Variants in TJP3 observed in about 807,000 individuals in gnomAD.
The protein encoded by TJP3 is tight junction protein ZO-3.
TJP3 carries 85 observed loss-of-function variants against 104.2 expected under a neutral mutation model. The observed-to-expected ratio is 0.82, with a 90% CI of 0.68 to 0.98. TJP3 has a LOEUF of 0.98. Ranked by LOEUF, TJP3 falls within the 50% of genes least tolerant of loss-of-function variation. The pLI, the probability that TJP3 is intolerant of heterozygous loss-of-function variation, is 0.00. For synonymous variants in TJP3, 550 were observed against 550.6 expected, an observed-to-expected ratio of 1.00 and a Z score of 0.02; for missense variants, 1,367 against 1,322.8, an observed-to-expected ratio of 1.03 and a Z score of -0.52.
intron 1 of TJP3, among the ~76,000 whole-genome samples, chr19:3,726,147 G>T (rs1401496002): frequency 6.6e-6 from 1 of 152,214 alleles, no homozygotes; most frequent in East Asian, 1.9e-4. Flanking sequence ...GGAGGAGGAG[G>T]AGTCACTTCT....
Position 3,736,178 on chromosome 19 carries a change from A to T in TJP3, c.1141A>T (p.Thr381Ser), listed in dbSNP as rs1223325745. The T allele has an allele frequency of 6.3e-7, 1 of 1,594,792 alleles. No individual in the cohort carries two copies. Among genetic ancestry groups the T allele is most frequent in the Non-Finnish European group, 8.5e-7 (1 of 1,170,608 alleles). The part of the protein sequence containing the change: ...SMEDRGYSPD[T>S]RVVRFLKGKS... The stretch of plus-strand genomic sequence containing the variant: ...CTCCCCTTGCAGGTACAGCCCCGAC[A>T]CGCGTGTGGTCCGCTTCCTCAAGGG... The change falls in exon 11 of 21, where the codon ACG becomes TCG. Residue 381 changes from threonine (T) to serine (S), a missense_variant. Coordinates refer to ENST00000541714, the MANE Select transcript of TJP3 (RefSeq NM_001267560.2).
chr19:3,721,619 C>T (rs2036542593), intron 1 of TJP3: 1 of 291,910 alleles, frequency 3.4e-6, no homozygotes, highest in Non-Finnish European at 6.3e-6. Flanking sequence ...GAGTTTCCGC[C>T]TCAGGACCTG....
chr19:3,718,939 T>C (rs2036516970), intron 1 of TJP3, among the ~76,000 whole-genome samples: 1 of 151,714 alleles, frequency 6.6e-6, no homozygotes, highest in Non-Finnish European at 1.5e-5. Context: ...ATCCCAACAC[T>C]TTCAGAGGCC....
Position 3,731,928 on chromosome 19 carries a change from C to A in TJP3, c.614-7C>A, listed in dbSNP as rs533004664. The stretch of plus-strand genomic sequence containing the variant: ...CCTGCCTCAGTTTCCCTCCTCCCCC[C>A]TTACAGAGTTTGGCGTCAAGCTGGG... On this transcript the variant is annotated splice_polypyrimidine_tract_variant and splice_region_variant and intron_variant, in intron 5 of 20. Transcript: ENST00000541714. The A allele has an allele frequency of 1.1e-5, 17 of 1,612,088 alleles. No individual in the cohort carries two copies. The East Asian group carries it at 3.8e-4, about 36-fold the overall frequency.
chr19:3,730,595 G>C lies in TJP3; in HGVS notation c.502G>C (p.Gly168Arg), dbSNP rs141549920. The C allele has an allele frequency of 2.6e-5, 42 of 1,610,792 alleles. No individual in the cohort carries two copies. The African/African-American group carries it at 4.3e-4, about 16-fold the overall frequency. Residue 168 changes from glycine (G) to arginine (R), a missense_variant, in exon 5 of 21, where the codon GGC becomes CGC. Gly to Arg is a moderately radical substitution (Grantham distance 125, BLOSUM62 -2). Coordinates refer to ENST00000541714, the MANE Select transcript of TJP3 (RefSeq NM_001267560.2). This position sits in a 1 kb window ranked among gnomAD's most constrained non-coding sequence, Gnocchi z 7.3. ...CCATGGGCGTAGGAGCCCAGGTGGT[G>C]GCTCTGAGGCCAACGGGCTGGCCCT... The part of the protein sequence containing the change: ...GSHGRRSPGG[G>R]SEANGLALVS...
At chr19:3,728,349 C>A in intron 1 of TJP3, 75 bp from the exon 2 acceptor site, 1 of 1,611,122 alleles carries the variant, frequency 6.2e-7, no homozygotes, top group Non-Finnish European at 8.5e-7. Flanking sequence ...ACTCCCCACC[C>A]TGAGCTGGGG....
intron 1 of TJP3, among the ~76,000 whole-genome samples, chr19:3,722,852 G>T (rs1269407413): frequency 8.0e-6 from 1 of 124,404 alleles, no homozygotes; most frequent in Non-Finnish European, 1.7e-5. Flanking sequence ...TGGAGATGGG[G>T]TGGCGGGGGG....
Position 3,746,873 on chromosome 19 carries a change from TC to T in TJP3, c.2320del (p.Gln774SerfsTer10). 1 of 1,536,764 alleles carries T rather than the reference TC, an allele frequency of 6.5e-7. No individual in the cohort carries two copies. Among genetic ancestry groups the T allele is most frequent in the Admixed American group, 1.7e-5 (1 of 57,360 alleles). ...QTRPIWTAED[Q>X]LDGSLEDNLD... ...CGCGGCCCATCTGGACGGCGGAAGA[TC>T]AGGTACTGCCGCGGTGTGGGTGGGT... On this transcript the variant is annotated frameshift_variant and splice_region_variant, in exon 18 of 21. Transcript: ENST00000541714. LOFTEE classifies it high-confidence loss of function. The surrounding 1 kb of genome is among the most constrained non-coding windows in gnomAD (Gnocchi z 4.1).
rs1314681386 is a variant in TJP3, at chr19:3,717,354, T to C, written c.-10+8793T>C. Among the ~76,000 whole-genome samples the C allele has an allele frequency of 3.2e-5, 4 of 123,650 alleles. 1 individual carries two copies. Among genetic ancestry groups the C allele is most frequent in the South Asian group, 6.3e-4 (2 of 3,150 alleles). 81.1% of individuals were successfully genotyped at this position (123,650 alleles called of 152,430 possible). A position where few individuals can be genotyped will look rare whatever the true frequency, so the allele number is the denominator to read the frequency against. ...CTGACCTCAAGTGATTCGGCCGCCT[T>C]GGCCATCCAAAGTGGGATTACAGGC... On this transcript the variant is annotated intron_variant, in intron 1 of 20. Coordinates refer to ENST00000541714, the MANE Select transcript of TJP3 (RefSeq NM_001267560.2).
chr19:3,745,559 G>A (rs1217620098), intron 15 of TJP3, among the ~76,000 whole-genome samples: 1 of 152,174 alleles, frequency 6.6e-6, no homozygotes, highest in African/African-American at 2.4e-5. Context: ...ATCCAGGAGG[G>A]CTTCCTGGAG....
intron 10 of TJP3, 38 bp downstream of exon 10, chr19:3,735,973 C>T (rs370430175): frequency 3.9e-4 from 636 of 1,611,954 alleles, no homozygotes; most frequent in Non-Finnish European, 5.1e-4. Flanking sequence ...GCTCAAAACT[C>T]CTACATCCCA....
At chr19:3,715,204 C>T (rs1334195236) in intron 1 of TJP3, among the ~76,000 whole-genome samples, 2 of 151,942 alleles carry the variant, frequency 1.3e-5, no homozygotes, top group Non-Finnish European at 2.9e-5. Context: ...ATTCTCCTGC[C>T]TCAGCCTCCC....
chr19:3,746,220 T>G lies in TJP3; in HGVS notation c.2010+139T>G. ...CATAGAGCCCCTTTTGGAGGCTTTG[T>G]GAGGCAGGAGGCCCGAGACAGACAA... On this transcript the variant is annotated intron_variant, in intron 16 of 20. Transcript: ENST00000541714. The surrounding 1 kb of genome is among the most constrained non-coding windows in gnomAD (Gnocchi z 4.1). 1.1e-6 allele frequency: 1 copy of G among 940,950 alleles called. No individual in the cohort carries two copies. 58.3% of individuals were successfully genotyped at this position (940,950 alleles called of 1,614,324 possible).
intron 1 of TJP3, among the ~76,000 whole-genome samples, chr19:3,710,927 G>A (rs143316288): frequency 5.9e-5 from 9 of 152,150 alleles, no homozygotes; most frequent in African/African-American, 1.4e-4. Context: ...TTTTTGAAAC[G>A]GAGTCTCGCT....
intron 14 of TJP3, among the ~76,000 whole-genome samples, chr19:3,741,634 A>T (rs1440840149): frequency 6.7e-6 from 1 of 149,688 alleles, no homozygotes; most frequent in Non-Finnish European, 1.5e-5. Context: ...TCAAAAGAAA[A>T]AAAAAAAAAA....
chr19:3,720,740 A>G (rs1241879178), intron 1 of TJP3, among the ~76,000 whole-genome samples: 1 of 151,758 alleles, frequency 6.6e-6, no homozygotes, highest in East Asian at 1.9e-4. Flanking sequence ...GGAATCCCGG[A>G]ATCCCAGGCC....
chr19:3,735,883 A>G lies in TJP3; in HGVS notation c.1075A>G (p.Ser359Gly), dbSNP rs2036732033. 6.2e-7 allele frequency: 1 copy of G among 1,614,050 alleles called. No individual in the cohort carries two copies. Among genetic ancestry groups the G allele is most frequent in the Non-Finnish European group, 8.5e-7 (1 of 1,180,042 alleles). The change falls in exon 10 of 21, where the codon AGC becomes GGC. Residue 359 changes from serine to glycine, a missense_variant. By Grantham distance (56) the Ser-to-Gly change is moderately conservative. Coordinates refer to ENST00000541714, the MANE Select transcript of TJP3 (RefSeq NM_001267560.2). ...TTCCCTTTCAGAGTTGCCCAGGGAA[A>G]GCAGCTATGACATCTACAGAGTGCC... The part of the protein sequence containing the change: ...DEQRSELPRE[S>G]SYDIYRVPSS...
intron 8 of TJP3, 67 bp downstream of exon 8, chr19:3,734,502 G>A (rs2036714379): frequency 1.2e-5 from 17 of 1,414,708 alleles, no homozygotes; most frequent in East Asian, 7.1e-5. Flanking sequence ...AGAGGGGAAC[G>A]CGGGCGTAGC....
chr19:3,735,474 C>T (rs756523674), intron 8 of TJP3, 92 bp from the exon 9 acceptor site: 164 of 1,275,964 alleles, frequency 1.3e-4, no homozygotes, highest in Non-Finnish European at 1.7e-4. Flanking sequence ...GCTAGGATTA[C>T]AGGCATGAAC....
Sources: allele counts gnomAD v4.1 joint callset (sites outside exome capture counted in the v4.1 genomes callset), GRCh38; gene constraint gnomAD v4.1.1; non-coding constraint Gnocchi (gnomAD v3.1); transcripts MANE v1.5; gene names NCBI Gene and HGNC (gene_info 2026-07-23, HGNC 2026-07-21).